The following PDE4D variants were observed in gnomAD, a reference collection of about 807,000 sequenced individuals.
The protein encoded by PDE4D is phosphodiesterase 4D, also known as 3',5'-cyclic-AMP phosphodiesterase 4D.
Under a neutral mutation model 87.4 loss-of-function variants are expected in PDE4D, and 24 were observed. The ratio of observed to expected loss-of-function variants is 0.27; its 90% CI spans 0.20 to 0.39. The LOEUF (loss-of-function observed/expected upper bound fraction) is 0.39, where lower values mean the gene tolerates loss of function less well. PDE4D is among the 10% of genes least tolerant of loss of function. The pLI, the probability that PDE4D is intolerant of heterozygous loss-of-function variation, is 1.00. For missense variants in PDE4D, 714 were observed against 1,041.0 expected, an observed-to-expected ratio of 0.69 and a Z score of 4.32; for synonymous variants, 384 against 383.2, an observed-to-expected ratio of 1.00 and a Z score of -0.02.
chr5:59,654,776 T>C (rs1313415065), intron 1 of PDE4D, among the ~76,000 whole-genome samples: 1 of 152,088 alleles, frequency 6.6e-6, no homozygotes, highest in Admixed American at 6.5e-5. Context: ...TAATCCACTA[T>C]AGACTTGTCT....
chr5:59,913,333 CT>C (rs1753653182), intron 3 of PDE4D, among the ~76,000 whole-genome samples: 1 of 152,106 alleles, frequency 6.6e-6, no homozygotes, highest in South Asian at 2.1e-4. Flanking sequence ...GGGAGTTGCA[CT>C]TCTGGCTGAA....
intron 1 of PDE4D, among the ~76,000 whole-genome samples, chr5:60,271,861 A>G (rs1012070216): frequency 2.6e-5 from 4 of 152,236 alleles, no homozygotes; most frequent in African/African-American, 9.6e-5. Context: ...ATTGAGAATG[A>G]CAAAGCACCT....
intron 1 of PDE4D, among the ~76,000 whole-genome samples, chr5:59,668,797 GAAGAAGA>G (rs1323417130): frequency 1.8e-4 from 24 of 131,176 alleles, no homozygotes; most frequent in Non-Finnish European, 2.8e-4. Flanking sequence ...GAAGAAAGAA[GAAGAAGA>G]AAGAAGAAGA....
At chr5:60,474,105 C>CATATATATATATGTGTGTAT (rs1491252291) in intron 1 of PDE4D, among the ~76,000 whole-genome samples, 1 of 30,982 alleles carries the variant, frequency 3.2e-5, no homozygotes, top group South Asian at 1.5e-3. Flanking sequence ...TTTGAGCTGC[C>CATATATATATATGTGTGTAT]ATATATATAT....
intron 1 of PDE4D, 130 bp downstream of exon 1, chr5:59,893,037 TC>T: frequency 2.2e-6 from 2 of 911,088 alleles, no homozygotes; most frequent in Non-Finnish European, 3.3e-6. Context: ...CTGTTTGTCC[TC>T]CCCCAATTTC....
intron 5 of PDE4D, among the ~76,000 whole-genome samples, chr5:59,104,127 T>A (rs1771191031): frequency 6.6e-6 from 1 of 151,240 alleles, no homozygotes; most frequent in Admixed American, 6.6e-5. Context: ...CCTAACAGAT[T>A]ACAAACTTTT....
intron 1 of PDE4D, among the ~76,000 whole-genome samples, chr5:59,455,504 C>T (rs1799778762): frequency 6.6e-6 from 1 of 152,200 alleles, no homozygotes; most frequent in South Asian, 2.1e-4. Context: ...GATGCTCAGG[C>T]AAAAGTTTGC....
At chr5:59,401,267 A>T (rs186771496) in intron 1 of PDE4D, among the ~76,000 whole-genome samples, 1 of 152,164 alleles carries the variant, frequency 6.6e-6, no homozygotes, top group East Asian at 1.9e-4. Flanking sequence ...CAACATAGAG[A>T]TATCCTGTCT....
intron 3 of PDE4D, among the ~76,000 whole-genome samples, chr5:59,920,847 C>CTG (rs1193811108): frequency 8.9e-6 from 1 of 111,950 alleles, no homozygotes; most frequent in African/African-American, 3.4e-5. Context: ...ACATCACACA[C>CTG]TGGGGCCTGT....
intron 6 of PDE4D, among the ~76,000 whole-genome samples, chr5:59,000,110 A>G (rs1311072634): frequency 6.6e-6 from 1 of 152,204 alleles, no homozygotes; most frequent in Non-Finnish European, 1.5e-5. Context: ...GACAAACGCC[A>G]TTGAATAATG....
intron 2 of PDE4D, among the ~76,000 whole-genome samples, chr5:59,203,092 C>A (rs1747898456): frequency 6.6e-6 from 1 of 152,030 alleles, no homozygotes; most frequent in Non-Finnish European, 1.5e-5. Context: ...ACCTGTAATC[C>A]CAGCACCTTA....
At chr5:59,197,850 C>T (rs1413963105) in intron 2 of PDE4D, among the ~76,000 whole-genome samples, 1 of 152,148 alleles carries the variant, frequency 6.6e-6, no homozygotes, top group Non-Finnish European at 1.5e-5. Flanking sequence ...ATTCTGAAAT[C>T]TTGCACCTGA....
intron 2 of PDE4D, among the ~76,000 whole-genome samples, chr5:60,018,738 AAAG>A (rs2152850836): frequency 6.6e-6 from 1 of 152,318 alleles, no homozygotes; most frequent in African/African-American, 2.4e-5. Flanking sequence ...CAAAAGAGAC[AAAG>A]AAGGACATTA....
intron 1 of PDE4D, among the ~76,000 whole-genome samples, chr5:59,708,117 T>C (rs981533743): frequency 3.9e-5 from 6 of 152,256 alleles, no homozygotes; most frequent in African/African-American, 1.4e-4. Context: ...CTCACCAGCA[T>C]CTGTTGTTTC....
intron 1 of PDE4D, among the ~76,000 whole-genome samples, chr5:59,850,721 T>C (rs766011208): frequency 6.6e-6 from 1 of 151,906 alleles, no homozygotes; most frequent in Non-Finnish European, 1.5e-5. Context: ...GGAGGAGTCA[T>C]GGCTTTAAGG....
At chr5:59,996,701 C>T (rs989658930) in intron 2 of PDE4D, among the ~76,000 whole-genome samples, 2 of 152,092 alleles carry the variant, frequency 1.3e-5, no homozygotes, top group Non-Finnish European at 2.9e-5. Flanking sequence ...AGGAAACAAA[C>T]AAGTCAAGGC....
At chr5:59,025,824 C>T (rs1319849963) in intron 6 of PDE4D, among the ~76,000 whole-genome samples, 3 of 152,230 alleles carry the variant, frequency 2.0e-5, no homozygotes, top group Non-Finnish European at 2.9e-5. Flanking sequence ...GCTATGGACA[C>T]ATCCCCAGCA....
intron 1 of PDE4D, among the ~76,000 whole-genome samples, chr5:59,413,177 G>T (rs1792981209): frequency 6.6e-6 from 1 of 151,704 alleles, no homozygotes; most frequent in Admixed American, 6.6e-5. Context: ...GCCATGGTTG[G>T]CTGGGCGCGG....
At chr5:59,507,267 G>A (rs554608750) in intron 1 of PDE4D, among the ~76,000 whole-genome samples, 83 of 152,136 alleles carry the variant, frequency 5.5e-4, no homozygotes, top group Admixed American at 1.8e-3. Context: ...TGGAGGCAGA[G>A]GCTGCAGTGA....
Sources: allele counts gnomAD v4.1 joint callset (sites outside exome capture counted in the v4.1 genomes callset), GRCh38; gene constraint gnomAD v4.1.1; transcripts MANE v1.5; gene names NCBI Gene and HGNC (gene_info 2026-07-23, HGNC 2026-07-21).